Variants in CSRP2 observed in about 807,000 individuals in gnomAD.
The protein encoded by CSRP2 is cysteine and glycine rich protein 2, also known as cysteine and glycine-rich protein 2.
A neutral mutation model predicts 24.6 loss-of-function variants in CSRP2; 18 were observed. The ratio of observed to expected loss-of-function variants is 0.73; its 90% CI spans 0.51 to 1.09. The LOEUF (loss-of-function observed/expected upper bound fraction) is 1.09. Ranked by LOEUF, CSRP2 falls within the 50% of genes least tolerant of loss-of-function variation. CSRP2 has a pLI of 0.00. For synonymous variants in CSRP2, 87 were observed against 84.3 expected (o/e 1.03, Z -0.18); for missense variants, 215 against 239.4 (o/e 0.90, Z 0.67).
At chr12:76,860,174 T>G in intron 4 of CSRP2, 110 bp downstream of exon 4, 1 of 1,191,002 alleles carries the variant, frequency 8.4e-7, no homozygotes, top group Non-Finnish European at 1.2e-6. Context: ...AAGTTTCATA[T>G]AAGACAGTGA....
intron 2 of CSRP2, 85 bp from the exon 3 acceptor site, chr12:76,863,429 A>ACCATTTGTAGGCC: frequency 7.2e-7 from 1 of 1,393,456 alleles, no homozygotes; most frequent in Non-Finnish European, 9.8e-7. Context: ...CATGGCCTAC[A>ACCATTTGTAGGCC]AATGGTGAAG....
intron 1 of CSRP2, among the ~76,000 whole-genome samples, chr12:76,868,480 G>A (rs1953756787): frequency 6.6e-6 from 1 of 152,204 alleles, no homozygotes; most frequent in South Asian, 2.1e-4. Flanking sequence ...CTGCTGCCAT[G>A]TGAGATGTGA....
At chr12:76,867,859 G>A (rs908130306) in intron 1 of CSRP2, among the ~76,000 whole-genome samples, 26 of 152,132 alleles carry the variant, frequency 1.7e-4, no homozygotes, top group African/African-American at 6.3e-4. Flanking sequence ...AAATCAAAAG[G>A]GATGTGGGAA....
intron 4 of CSRP2, 115 bp from the exon 5 acceptor site, chr12:76,859,755 G>A (rs903002165): frequency 8.5e-5 from 60 of 702,758 alleles, no homozygotes; most frequent in South Asian, 5.0e-4. Flanking sequence ...CCTGACTTCT[G>A]TGGTTCAGCT....
At chr12:76,871,696 G>A (rs961892539) in intron 1 of CSRP2, among the ~76,000 whole-genome samples, 11 of 151,584 alleles carry the variant, frequency 7.3e-5, no homozygotes, top group African/African-American at 2.2e-4. Context: ...CCCAGGAGGT[G>A]GAGCTTGCAG....
chr12:76,871,273 A>T (rs1320580723), intron 1 of CSRP2, among the ~76,000 whole-genome samples: 1 of 152,176 alleles, frequency 6.6e-6, no homozygotes, highest in Non-Finnish European at 1.5e-5. Flanking sequence ...TTGAAGACAG[A>T]GGGGACATCT....
intron 1 of CSRP2, among the ~76,000 whole-genome samples, chr12:76,875,985 C>A (rs77788799): frequency 2.6e-5 from 4 of 152,160 alleles, no homozygotes; most frequent in African/African-American, 9.7e-5. Context: ...AATTATTTCA[C>A]TGATGTTTTG....
intron 2 of CSRP2, chr12:76,865,538 C>T (rs547193337): frequency 7.9e-5 from 12 of 152,294 alleles, no homozygotes; most frequent in Middle Eastern, 3.4e-3. Context: ...AAGATTATTT[C>T]TCAATGTAAC....
chr12:76,863,773 C>T (rs1953707948), intron 2 of CSRP2: 1 of 156,028 alleles, frequency 6.4e-6, no homozygotes, highest in Non-Finnish European at 1.4e-5. Context: ...CAACCCTCAA[C>T]ACTCTTAATC....
At chr12:76,869,529 A>AACACACACACAC (rs57542492) in intron 1 of CSRP2, among the ~76,000 whole-genome samples, 3,078 of 135,322 alleles carry the variant, frequency 0.023, 69 homozygotes, top group Non-Finnish European at 0.026. Flanking sequence ...TAAAACAAAC[A>AACACACACACAC]ACACACACAC....
At position 76,866,212 on chromosome 12, in the gene CSRP2, C is replaced by T. The variant is rs1482020684; in HGVS notation, c.49G>A (p.Val17Met). 9.9e-6 allele frequency: 16 copies of T among 1,614,124 alleles called. No individual in the cohort carries two copies. The highest frequency in any genetic ancestry group is 1.6e-4 in the Middle Eastern group (1 of 6,062). The change falls in exon 2 of 6, where the codon GTG (valine) becomes ATG (methionine). Residue 17 changes from valine (V) to methionine (M), a missense_variant. Transcript: ENST00000311083. The part of the protein sequence containing the change: ...GNKCGACGRT[V>M]YHAEEVQCDG... ...CACTGCACCTCTTCTGCGTGGTACACGGTCCTCCCACAGGCCCCACACTTG... is the reference window on the plus strand; with the variant it reads ...CACTGCACCTCTTCTGCGTGGTACATGGTCCTCCCACAGGCCCCACACTTG...
intron 1 of CSRP2, chr12:76,878,424 G>C (rs1392794942): frequency 6.6e-6 from 1 of 152,300 alleles, no homozygotes; most frequent in East Asian, 1.9e-4. Flanking sequence ...CCCTGGGCTC[G>C]GGGGGATGTA....
intron 1 of CSRP2, among the ~76,000 whole-genome samples, chr12:76,877,223 T>G (rs1953861389): frequency 1.3e-5 from 2 of 152,236 alleles, no homozygotes; most frequent in African/African-American, 4.8e-5. Context: ...CCTCATTTAT[T>G]GCTGTCCTCT....
At chr12:76,861,719 G>T (rs955104418) in intron 3 of CSRP2, 3 of 152,120 alleles carry the variant, frequency 2.0e-5, no homozygotes, top group Non-Finnish European at 4.4e-5. Flanking sequence ...ACAGATTTTG[G>T]AACCAAATGG....
intron 1 of CSRP2, among the ~76,000 whole-genome samples, chr12:76,872,522 T>A (rs1283561460): frequency 6.6e-6 from 1 of 152,244 alleles, no homozygotes; most frequent in East Asian, 1.9e-4. Flanking sequence ...ATGCCCCACC[T>A]GTGCCTGGTG....
At chr12:76,868,332 T>C (rs899724314) in intron 1 of CSRP2, among the ~76,000 whole-genome samples, 19 of 152,124 alleles carry the variant, frequency 1.2e-4, no homozygotes, top group Non-Finnish European at 1.9e-4. Flanking sequence ...ATAATTCCCA[T>C]GTGTTGTGGG....
chr12:76,868,882 G>A (rs1019835442), intron 1 of CSRP2, among the ~76,000 whole-genome samples: 1 of 150,032 alleles, frequency 6.7e-6, no homozygotes, highest in Admixed American at 6.7e-5. Context: ...GCAGTGAGCC[G>A]AGATTGTGCC....
At chr12:76,866,332 C>A in intron 1 of CSRP2, 71 bp from the exon 2 acceptor site, 1 of 1,161,712 alleles carries the variant, frequency 8.6e-7, no homozygotes. Flanking sequence ...CTATTTAAGC[C>A]CAGGGACAGC....
chr12:76,863,365 C>T, intron 2 of CSRP2, 21 bp from the exon 3 acceptor site: 1 of 1,611,386 alleles, frequency 6.2e-7, no homozygotes, highest in South Asian at 1.1e-5. Context: ...AAAAGTTAGA[C>T]TTTACACATG....
Sources: gnomAD v4.1 joint callset for allele counts (sites outside exome capture counted in the v4.1 genomes callset) on GRCh38, gnomAD v4.1.1 for gene constraint, MANE v1.5 for transcripts, NCBI Gene and HGNC (gene_info 2026-07-23, HGNC 2026-07-21) for gene names.